The following ZNF574 variants were observed in gnomAD, a reference collection of about 807,000 sequenced individuals.
ZNF574 encodes the protein zinc finger protein 574.
ZNF574 carries 25 observed loss-of-function variants against 56.6 expected under a neutral mutation model. The ratio of observed to expected loss-of-function variants is 0.44; its 90% CI spans 0.32 to 0.62. The LOEUF is 0.62. Ranked by LOEUF, ZNF574 falls within the 20% of genes least tolerant of loss-of-function variation. The probability of loss-of-function intolerance (pLI) is 0.04; values close to 1 mark genes in which losing one functional copy is unlikely to be tolerated. For synonymous variants in ZNF574, 543 were observed against 492.1 expected (o/e 1.10, Z -1.37); for missense variants, 1,065 against 1,218.9 (o/e 0.87, Z 1.88).
upstream of ZNF574, chr19:42,074,741 T>C (rs1033197044): frequency 1.3e-5 from 2 of 152,052 alleles, no homozygotes; most frequent in African/African-American, 2.4e-5. Flanking sequence ...CAAATGGCCA[T>C]AGAATTGGCC....
upstream of ZNF574, among the ~76,000 whole-genome samples, chr19:42,075,544 C>G (rs1198609844): frequency 6.6e-6 from 1 of 152,152 alleles, no homozygotes; most frequent in Non-Finnish European, 1.5e-5. Flanking sequence ...CTTCCTGTTG[C>G]CTTCATTCCC....
Position 42,079,645 on chromosome 19 carries a change from A to T in ZNF574, c.1039A>T (p.Ser347Cys). 1 of 1,613,896 alleles carries T rather than the reference A, an allele frequency of 6.2e-7. No individual in the cohort carries two copies. Among genetic ancestry groups the T allele is most frequent in the Non-Finnish European group, 8.5e-7 (1 of 1,179,954 alleles). Residue 347 changes from serine to cysteine, a missense_variant, in exon 2 of 2, where the codon AGC (serine) becomes TGC (cysteine). Ser to Cys is a moderately radical substitution (Grantham distance 112, BLOSUM62 -1). Transcript: ENST00000359044. This position sits in a 1 kb window ranked among gnomAD's most constrained non-coding sequence, Gnocchi z 4.3. ...KCPLCSRVFPSPSSLDQHLGD... is the reference protein window; with the variant it reads ...KCPLCSRVFPCPSSLDQHLGD... ...CCCCCTGTGCAGTCGTGTCTTCCCT[A>T]GCCCTTCCAGTCTGGACCAGCACCT...
chr19:42,068,502 C>G (rs994418370), exon 1 of ZNF574: 5 of 377,788 alleles, frequency 1.3e-5, no homozygotes, highest in Admixed American at 4.6e-5. Context: ...GACTGAGGAG[C>G]CGGGCACCCA....
chr19:42,068,778 G>A (rs2076378610), exon 1 of ZNF574: 1 of 560,124 alleles, frequency 1.8e-6, no homozygotes, highest in Non-Finnish European at 3.2e-6. Context: ...GGGCCCAAGA[G>A]ACACAGGAAA....
upstream of ZNF574, among the ~76,000 whole-genome samples, chr19:42,074,500 T>TAAAAA (rs987723672): frequency 4.7e-5 from 7 of 147,768 alleles, no homozygotes; most frequent in South Asian, 2.1e-4. Context: ...TAAAATAAAA[T>TAAAAA]AAAAATAAAA....
At chr19:42,069,671 G>A (rs1451011611) in intron 1 of ZNF574, among the ~76,000 whole-genome samples, 2 of 150,556 alleles carry the variant, frequency 1.3e-5, no homozygotes, top group East Asian at 2.0e-4. Context: ...CACAGGGGGC[G>A]AGGACTGGGT....
At chr19:42,074,320 T>C (rs1366840033), upstream of ZNF574, among the ~76,000 whole-genome samples, 3 of 150,284 alleles carry the variant, frequency 2.0e-5, no homozygotes, top group Non-Finnish European at 4.4e-5. Context: ...CCAGGCGTGG[T>C]GGCGAGCGCC....
chr19:42,080,402 A>G lies in ZNF574; in HGVS notation c.1796A>G (p.Tyr599Cys), dbSNP rs756130093. ...HRPYRLLMHR[Y>C]HHTGEYPYKC... ...CCTTACCGCCTGCTCATGCACCGCT[A>G]CCATCACACAGGTGAATACCCCTAC... Residue 599 changes from tyrosine to cysteine, a missense_variant, in exon 2 of 2, where the codon TAC becomes TGC. By Grantham distance (194) the Tyr-to-Cys change is radical. Transcript: ENST00000359044. This position sits in a 1 kb window ranked among gnomAD's most constrained non-coding sequence, Gnocchi z 8.5. 8 of 1,614,188 alleles carry G rather than the reference A, an allele frequency of 5.0e-6. No homozygotes were observed. Among genetic ancestry groups the G allele is most frequent in the Non-Finnish European group, 5.9e-6 (7 of 1,180,014 alleles).
At chr19:42,077,639 T>A (rs73552823) in intron 1 of ZNF574, among the ~76,000 whole-genome samples, 9,868 of 151,992 alleles carry the variant, frequency 0.065, 1,001 homozygotes, top group African/African-American at 0.22. Flanking sequence ...GGGATTAGAA[T>A]TGTCGATTTG....
rs202016149 is a variant in ZNF574, at chr19:42,080,108, G to C, written c.1502G>C (p.Gly501Ala). ...LERRHKCSIC[G>A]KMFKKKSHVR... is the part of the protein sequence containing the mutation. ...CGGCGCCATAAATGCAGCATTTGTG[G>C]CAAGATGTTCAAGAAGAAGTCTCAC... Residue 501 changes from glycine (G) to alanine (A), a missense_variant, in exon 2 of 2, where the codon GGC becomes GCC. Gly to Ala is a moderately conservative substitution (Grantham distance 60). Coordinates refer to ENST00000359044, the MANE Select transcript of ZNF574 (RefSeq NM_022752.6). The surrounding 1 kb of genome is among the most constrained non-coding windows in gnomAD (Gnocchi z 8.5). The C allele has an allele frequency of 1.1e-4, 177 of 1,614,002 alleles. No individual in the cohort carries two copies. The highest frequency in any genetic ancestry group is 1.4e-4 in the Non-Finnish European group (160 of 1,180,048).
intron 1 of ZNF574, chr19:42,070,335 G>A (rs2076407141): frequency 6.5e-6 from 1 of 152,858 alleles, no homozygotes. Flanking sequence ...TGTATTGGTT[G>A]GGGCTGGGGG....
intron 1 of ZNF574, among the ~76,000 whole-genome samples, chr19:42,078,117 C>T (rs897808163): frequency 2.6e-5 from 4 of 151,764 alleles, no homozygotes; most frequent in African/African-American, 9.7e-5. Context: ...GAGCAGAGGC[C>T]ATGGGAGGGG....
chr19:42,076,544 C>T (rs554120377), intron 1 of ZNF574, among the ~76,000 whole-genome samples: 69 of 151,944 alleles, frequency 4.5e-4, no homozygotes, highest in South Asian at 1.9e-3. Flanking sequence ...TTTGGTGGGG[C>T]ACCTGGGCGG....
rs774555697 is a variant in ZNF574, at chr19:42,080,340, C to G, written c.1734C>G (p.Pro578=). 1 of 1,614,216 alleles carries G rather than the reference C, an allele frequency of 6.2e-7. No individual in the cohort carries two copies. The highest frequency in any genetic ancestry group is 2.2e-5 in the East Asian group (1 of 44,888). The stretch of plus-strand genomic sequence containing the variant: ...GCTTGGTGCATGCCCAGCACTTCCC[C>G]TACCGCTGCCAGGAATGTGGGGTGC... The part of the protein sequence containing the change: ...QHRLVHAQHF[P]YRCQECGVRF... The change falls in exon 2 of 2, where the codon CCC becomes CCG. Residue 578 remains proline, a synonymous_variant. Coordinates refer to ENST00000359044, the MANE Select transcript of ZNF574 (RefSeq NM_022752.6). The surrounding 1 kb of genome is among the most constrained non-coding windows in gnomAD (Gnocchi z 8.5).
At position 42,080,819 on chromosome 19, in the gene ZNF574, T is replaced by C; in HGVS notation, c.2213T>C (p.Leu738Pro). The C allele has an allele frequency of 6.2e-7, 1 of 1,613,992 alleles. No homozygotes were observed. Among genetic ancestry groups the C allele is most frequent in the Non-Finnish European group, 8.5e-7 (1 of 1,180,006 alleles). Reference protein sequence around the residue: ...SPAAPARRRGLECSECKKLFS... With the variant: ...SPAAPARRRGPECSECKKLFS... ...GCGGCCCCTGCCCGCCGCCGGGGTC[T>C]AGAGTGCAGCGAGTGCAAGAAGCTG... The change falls in exon 2 of 2, where the codon CTA becomes CCA. Residue 738 changes from leucine (L) to proline (P), a missense_variant. Physicochemically the swap from Leu to Pro is moderately conservative, Grantham distance 98 (BLOSUM62 -3). Transcript: ENST00000359044. The surrounding 1 kb of genome is among the most constrained non-coding windows in gnomAD (Gnocchi z 8.5).
Position 42,079,266 on chromosome 19 carries a change from C to G in ZNF574, c.660C>G (p.Ser220=). The G allele has an allele frequency of 6.2e-7, 1 of 1,614,082 alleles. No individual in the cohort carries two copies. The change falls in exon 2 of 2, where the codon TCC becomes TCG. Residue 220 remains serine (S), a synonymous_variant. Coordinates refer to ENST00000359044, the MANE Select transcript of ZNF574 (RefSeq NM_022752.6). The surrounding 1 kb of genome is among the most constrained non-coding windows in gnomAD (Gnocchi z 4.3). ...TCCTCTACAAGTGCTCTGAGTGCTCCCAGCTCTTCCAGCTGCCGGCGGATT... is the reference window on the plus strand; with the variant it reads ...TCCTCTACAAGTGCTCTGAGTGCTCGCAGCTCTTCCAGCTGCCGGCGGATT... ...ELLLYKCSEC[S]QLFQLPADFL...
upstream of ZNF574, among the ~76,000 whole-genome samples, chr19:42,072,083 A>T (rs1352976361): frequency 6.6e-6 from 1 of 151,900 alleles, no homozygotes; most frequent in East Asian, 1.9e-4. Context: ...CCAGTCCTGC[A>T]CTACCACCTC....
chr19:42,069,930 G>A (rs2076400861), intron 1 of ZNF574, among the ~76,000 whole-genome samples: 1 of 152,090 alleles, frequency 6.6e-6, no homozygotes, highest in Non-Finnish European at 1.5e-5. Flanking sequence ...CAAATGAGGT[G>A]GAGAGATAGG....
intron 1 of ZNF574, among the ~76,000 whole-genome samples, chr19:42,077,435 C>A (rs984700416): frequency 6.6e-6 from 1 of 151,850 alleles, no homozygotes; most frequent in Non-Finnish European, 1.5e-5. Context: ...GGTCTTCTAG[C>A]AAATTAAAAA....
Sources: allele counts gnomAD v4.1 joint callset (sites outside exome capture counted in the v4.1 genomes callset), GRCh38; gene constraint gnomAD v4.1.1; non-coding constraint Gnocchi (gnomAD v3.1); transcripts MANE v1.5; gene names NCBI Gene and HGNC (gene_info 2026-07-23, HGNC 2026-07-21).